Variants in DTNB observed in about 807,000 individuals in gnomAD.
The protein encoded by DTNB is DTN-B.
A neutral mutation model predicts 90.7 loss-of-function variants in DTNB; 63 were observed. The ratio of observed to expected loss-of-function variants is 0.69; its 90% CI spans 0.57 to 0.86. The LOEUF (loss-of-function observed/expected upper bound fraction) is 0.86. Ranked by LOEUF, DTNB falls within the 40% of genes least tolerant of loss-of-function variation. The pLI is 0.00. For missense variants in DTNB, 744 were observed against 807.1 expected, an observed-to-expected ratio of 0.92 and a Z score of 0.95; for synonymous variants, 277 against 286.7, an observed-to-expected ratio of 0.97 and a Z score of 0.34.
At chr2:25,551,699 C>T (rs1318539961) in intron 8 of DTNB, among the ~76,000 whole-genome samples, 1 of 152,176 alleles carries the variant, frequency 6.6e-6, no homozygotes, top group Non-Finnish European at 1.5e-5. Context: ...CTTACCATTT[C>T]TATGGATTTG....
At chr2:25,633,915 G>C (rs999930316) in intron 3 of DTNB, among the ~76,000 whole-genome samples, 1 of 151,958 alleles carries the variant, frequency 6.6e-6, no homozygotes, top group Non-Finnish European at 1.5e-5. Context: ...CGTCTGAGAA[G>C]TGAGGAGACC....
chr2:25,458,106 T>A (rs182955674), intron 10 of DTNB, among the ~76,000 whole-genome samples: 6 of 152,288 alleles, frequency 3.9e-5, no homozygotes, highest in African/African-American at 4.8e-5. Flanking sequence ...GTGCTGGGAT[T>A]ACAGGTGTGA....
intron 8 of DTNB, among the ~76,000 whole-genome samples, chr2:25,570,406 C>CAAAAAAAA (rs146251976): frequency 1.3e-4 from 12 of 89,910 alleles, no homozygotes; most frequent in African/African-American, 5.1e-4. Context: ...TTTCCTGTCT[C>CAAAAAAAA]AAAAAAAAAA....
intron 19 of DTNB, chr2:25,383,619 G>C: frequency 1.1e-6 from 1 of 936,786 alleles, no homozygotes; most frequent in South Asian, 1.7e-5. Flanking sequence ...ACCTATCCCA[G>C]GATCAGGAAA....
intron 4 of DTNB, among the ~76,000 whole-genome samples, chr2:25,624,538 G>C (rs974383466): frequency 6.6e-6 from 1 of 152,158 alleles, no homozygotes; most frequent in Admixed American, 6.5e-5. Context: ...CCAAGATGAG[G>C]GGCTGGCCTG....
chr2:25,539,047 C>A (rs1423774686), intron 8 of DTNB, among the ~76,000 whole-genome samples: 1 of 152,216 alleles, frequency 6.6e-6, no homozygotes, highest in Admixed American at 6.5e-5. Context: ...AGTTATGTTA[C>A]AATTTATCCA....
intron 9 of DTNB, among the ~76,000 whole-genome samples, chr2:25,490,829 T>C (rs2067237608): frequency 6.6e-6 from 1 of 152,192 alleles, no homozygotes; most frequent in Non-Finnish European, 1.5e-5. Flanking sequence ...ACATTATTTA[T>C]GCTGTCTTCA....
chr2:25,555,323 A>G lies in DTNB; in HGVS notation c.876+21515T>C, dbSNP rs1017429851. ...AAAAAAAAAAAACAAAAAGGTCTGA[A>G]GCAAATCCAGCAAAATGTTAAAAAG... is the stretch of plus-strand genomic sequence containing the variant. On this transcript the variant is annotated intron_variant, in intron 8 of 20. Coordinates refer to ENST00000406818, the MANE Select transcript of DTNB (RefSeq NM_021907.5). Among the ~76,000 whole-genome samples, 4 of 151,672 alleles carry G rather than the reference A, an allele frequency of 2.6e-5. No homozygotes were observed. In the South Asian group the frequency reaches 6.2e-4, roughly 24 times the overall value.
At chr2:25,587,370 C>A (rs2062645895) in intron 6 of DTNB, among the ~76,000 whole-genome samples, 1 of 152,184 alleles carries the variant, frequency 6.6e-6, no homozygotes, top group Non-Finnish European at 1.5e-5. Context: ...ACGAGAAGAC[C>A]AGGGTCCTTC....
chr2:25,616,221 T>C (rs534347622), intron 4 of DTNB, among the ~76,000 whole-genome samples: 108 of 152,274 alleles, frequency 7.1e-4, no homozygotes, highest in South Asian at 6.2e-3. Flanking sequence ...CAGGTCACAC[T>C]TGCAACTCTT....
intron 1 of DTNB, among the ~76,000 whole-genome samples, chr2:25,667,937 G>A (rs1022568565): frequency 1.3e-5 from 2 of 152,102 alleles, no homozygotes; most frequent in Non-Finnish European, 2.9e-5. Flanking sequence ...ATTATCATTC[G>A]GCGCTAAAAA....
At chr2:25,506,006 G>A (rs1406683091) in intron 9 of DTNB, among the ~76,000 whole-genome samples, 2 of 152,222 alleles carry the variant, frequency 1.3e-5, no homozygotes, top group African/African-American at 2.4e-5. Context: ...GGATGGAACT[G>A]AAGATTATAT....
chr2:25,455,117 G>A (rs576059561), intron 11 of DTNB, among the ~76,000 whole-genome samples: 19 of 152,254 alleles, frequency 1.2e-4, no homozygotes, highest in Admixed American at 5.2e-4. Flanking sequence ...TGAGTACTGC[G>A]ATCCCTCATA....
At chr2:25,377,769 A>G (rs2036242366) in intron 20 of DTNB, among the ~76,000 whole-genome samples, 1 of 152,164 alleles carries the variant, frequency 6.6e-6, no homozygotes, top group South Asian at 2.1e-4. Context: ...TGGGTTCACA[A>G]TGCAAGGTTT....
At chr2:25,586,229 G>A (rs188851790) in intron 6 of DTNB, among the ~76,000 whole-genome samples, 6 of 152,168 alleles carry the variant, frequency 3.9e-5, no homozygotes, top group Admixed American at 3.3e-4. Context: ...AAGCACGGGC[G>A]GCCAGGTGCG....
intron 16 of DTNB, 158 bp downstream of exon 16, chr2:25,419,357 G>A: frequency 8.8e-7 from 1 of 1,135,920 alleles, no homozygotes; most frequent in Non-Finnish European, 1.3e-6. Flanking sequence ...GAACTTTTAG[G>A]CCATTTTACA....
chr2:25,414,260 T>G (rs139334412), intron 16 of DTNB, among the ~76,000 whole-genome samples: 1,846 of 152,250 alleles, frequency 0.012, 46 homozygotes, highest in African/African-American at 0.042. Context: ...TTTTTTTTGT[T>G]TGTTTGTTTT....
At chr2:25,658,898 G>C (rs756823460) in intron 1 of DTNB, among the ~76,000 whole-genome samples, 2 of 152,136 alleles carry the variant, frequency 1.3e-5, no homozygotes, top group Non-Finnish European at 2.9e-5. Flanking sequence ...CACAAAGAGT[G>C]AATCTTTATT....
At chr2:25,576,718 T>A (rs910814318) in intron 8 of DTNB, 120 bp downstream of exon 8, 1 of 1,241,768 alleles carries the variant, frequency 8.1e-7, no homozygotes, top group Non-Finnish European at 1.1e-6. Flanking sequence ...AATGTTAGTG[T>A]TAAGATTTTA....
Sources: gnomAD v4.1 joint callset for allele counts (sites outside exome capture counted in the v4.1 genomes callset) on GRCh38, gnomAD v4.1.1 for gene constraint, MANE v1.5 for transcripts, NCBI Gene and HGNC (gene_info 2026-07-23, HGNC 2026-07-21) for gene names.